Variants in CTBP2 observed in about 807,000 individuals in gnomAD.
CTBP2 encodes C-terminal binding protein 2.
In CTBP2, 30 loss-of-function variants were observed where a neutral mutation model predicts 80.3. The ratio of observed to expected loss-of-function variants is 0.37; its 90% CI spans 0.28 to 0.51. The LOEUF is 0.51. CTBP2 is among the 20% of genes least tolerant of loss of function. The pLI is 0.93. For synonymous variants in CTBP2, 594 were observed against 587.4 expected, an observed-to-expected ratio of 1.01 and a Z score of -0.16; for missense variants, 1,212 against 1,375.3, an observed-to-expected ratio of 0.88 and a Z score of 1.88.
intron 1 of CTBP2, among the ~76,000 whole-genome samples, chr10:125,009,120 T>C (rs1343298842): frequency 1.3e-5 from 2 of 152,220 alleles, no homozygotes; most frequent in Non-Finnish European, 2.9e-5. Flanking sequence ...CCTGTGTCCT[T>C]TGTTGGGTGA....
chr10:124,991,407 T>C (rs1447141767), intron 8 of CTBP2, among the ~76,000 whole-genome samples: 1 of 152,020 alleles, frequency 6.6e-6, no homozygotes, highest in Non-Finnish European at 1.5e-5. Context: ...ATGGAAGAGG[T>C]GGGCCCCCAG....
chr10:125,062,991 C>T (rs972600421), intron 2 of CTBP2, among the ~76,000 whole-genome samples: 1 of 152,336 alleles, frequency 6.6e-6, no homozygotes, highest in Admixed American at 6.5e-5. Context: ...ATCTTTCTGG[C>T]GTTCCAGTGA....
chr10:125,065,622 G>T (rs1460863761), intron 2 of CTBP2, among the ~76,000 whole-genome samples: 3 of 152,168 alleles, frequency 2.0e-5, no homozygotes, highest in African/African-American at 4.8e-5. Context: ...GCCGGAGGGA[G>T]AAAGTGGGAG....
At chr10:125,049,560 G>A (rs1466824655) in intron 2 of CTBP2, among the ~76,000 whole-genome samples, 1 of 152,136 alleles carries the variant, frequency 6.6e-6, no homozygotes, top group East Asian at 1.9e-4. Flanking sequence ...CCAGGACGAG[G>A]TTCCTCTGTA....
intron 1 of CTBP2, among the ~76,000 whole-genome samples, chr10:125,148,186 T>C (rs571175007): frequency 1.3e-5 from 2 of 152,216 alleles, no homozygotes. Context: ...AGAAAGACAT[T>C]CACGACCTTC....
intron 2 of CTBP2, among the ~76,000 whole-genome samples, chr10:125,090,415 A>G (rs1224293984): frequency 6.6e-6 from 1 of 151,800 alleles, no homozygotes; most frequent in African/African-American, 2.4e-5. Context: ...TTATGTTTAT[A>G]AATGATTTCA....
At chr10:125,155,704 C>CA (rs1250793921) in intron 1 of CTBP2, among the ~76,000 whole-genome samples, 3 of 151,752 alleles carry the variant, frequency 2.0e-5, no homozygotes, top group Non-Finnish European at 4.4e-5. Flanking sequence ...AAAACTCTTT[C>CA]ATAAGTCTTT....
intron 2 of CTBP2, among the ~76,000 whole-genome samples, chr10:125,040,294 A>G (rs1959276540): frequency 6.6e-6 from 1 of 151,948 alleles, no homozygotes; most frequent in African/African-American, 2.4e-5. Context: ...GTCTCTACTA[A>G]AAATACAAAA....
At chr10:125,111,163 T>C (rs1852237747) in intron 1 of CTBP2, 70 bp from the exon 2 acceptor site, 1 of 152,090 alleles carries the variant, frequency 6.6e-6, no homozygotes, top group Non-Finnish European at 1.5e-5. Context: ...CATCTAGGCA[T>C]CCTTTAATTG....
intron 2 of CTBP2, among the ~76,000 whole-genome samples, chr10:125,055,199 G>A (rs561890885): frequency 2.0e-4 from 30 of 152,284 alleles, no homozygotes; most frequent in Admixed American, 2.6e-4. Flanking sequence ...GATTAAGTCT[G>A]AGCTCTCAGA....
At position 124,989,279 on chromosome 10, in the gene CTBP2, T is replaced by G; in HGVS notation, c.*239A>C. On this transcript the variant is annotated 3_prime_UTR_variant, in exon 9 of 9. Transcript: ENST00000309035. The stretch of plus-strand genomic sequence containing the variant: ...GTGATTTGATGCACAGATGAAAAAC[T>G]TAACACACAATAACAGAAGTTGGTC... The G allele has an allele frequency of 1.8e-6, 1 of 542,360 alleles. No homozygotes were observed. Among genetic ancestry groups the G allele is most frequent in the South Asian group, 2.0e-5 (1 of 49,250 alleles). The allele number at this position is 542,360 out of a possible 1,614,324, so 33.6% of individuals were successfully genotyped here.
intron 1 of CTBP2, among the ~76,000 whole-genome samples, chr10:125,158,366 TAGAA>T (rs933509225): frequency 2.6e-5 from 4 of 152,154 alleles, no homozygotes; most frequent in African/African-American, 9.7e-5. Context: ...TCGCCCAAGT[TAGAA>T]AGGCAGAAAG....
chr10:125,022,061 A>G (rs931015161), intron 1 of CTBP2, among the ~76,000 whole-genome samples: 5 of 152,362 alleles, frequency 3.3e-5, no homozygotes, highest in Admixed American at 6.5e-5. Flanking sequence ...AACACCAGTC[A>G]GGCCCTTAGC....
Position 125,003,326 on chromosome 10 carries a change from G to A in CTBP2, c.1833+12C>T. The A allele has an allele frequency of 6.2e-7, 1 of 1,606,912 alleles. No individual in the cohort carries two copies. The highest frequency in any genetic ancestry group is 8.5e-7 in the Non-Finnish European group (1 of 1,178,586). ...GGTCAGTGCAGGCCCCGGCCGGGCAGGGTGGGCCCACCTTCTCGTGGATTT... is the reference window on the plus strand; with the variant it reads ...GGTCAGTGCAGGCCCCGGCCGGGCAAGGTGGGCCCACCTTCTCGTGGATTT... On this transcript the variant is annotated intron_variant, in intron 2 of 8. Transcript: ENST00000309035.
At chr10:125,050,741 C>T (rs532525437) in intron 2 of CTBP2, among the ~76,000 whole-genome samples, 4 of 152,334 alleles carry the variant, frequency 2.6e-5, no homozygotes, top group African/African-American at 7.2e-5. Context: ...AGGTCTCTGA[C>T]GAGTACACCA....
intron 2 of CTBP2, among the ~76,000 whole-genome samples, chr10:125,099,199 A>G (rs1000496562): frequency 6.6e-5 from 10 of 152,044 alleles, no homozygotes; most frequent in Non-Finnish European, 1.5e-4. Flanking sequence ...TTCAAATCTG[A>G]CGTCTGTTCT....
chr10:125,049,213 G>C, intron 2 of CTBP2, among the ~76,000 whole-genome samples: 1 of 152,190 alleles, frequency 6.6e-6, no homozygotes, highest in African/African-American at 2.4e-5. Flanking sequence ...GAATGGGAGG[G>C]GCTGGTGTAG....
rs142655462 is a variant in CTBP2, at chr10:125,042,349, G to A, written c.-101-3194C>T. ...GAGCAAGCCAGCACCCCCGATCCACGCTGGCTCTGGGCTCCCTGACATCAC... is the reference window on the plus strand; with the variant it reads ...GAGCAAGCCAGCACCCCCGATCCACACTGGCTCTGGGCTCCCTGACATCAC... On this transcript the variant is annotated intron_variant, in intron 2 of 10. Transcript: ENST00000337195. Among the ~76,000 whole-genome samples the A allele has an allele frequency of 2.0e-4, 31 of 152,274 alleles. 1 individual carries two copies. In the East Asian group the frequency reaches 3.9e-3, roughly 19 times the overall value.
intron 2 of CTBP2, among the ~76,000 whole-genome samples, chr10:125,054,551 G>A (rs1408149076): frequency 2.0e-5 from 3 of 152,228 alleles, no homozygotes; most frequent in South Asian, 2.1e-4. Flanking sequence ...ACCAAGCTAA[G>A]CTGTGCAGGT....
Sources: gnomAD v4.1 joint callset for allele counts (sites outside exome capture counted in the v4.1 genomes callset) on GRCh38, gnomAD v4.1.1 for gene constraint, MANE v1.5 for transcripts, NCBI Gene and HGNC (gene_info 2026-07-23, HGNC 2026-07-21) for gene names.